Variants in SMYD3 observed in about 807,000 individuals in gnomAD.
The protein encoded by SMYD3 is SET and MYND domain containing 3, also known as histone-lysine N-methyltransferase SMYD3.
Under a neutral mutation model 57.7 loss-of-function variants are expected in SMYD3, and 36 were observed. The observed-to-expected ratio is 0.62, with a 90% CI of 0.48 to 0.82. The LOEUF (loss-of-function observed/expected upper bound fraction) is 0.82. Among genes scored for constraint, SMYD3 ranks in the 40% least tolerant of loss-of-function variants. The probability of loss-of-function intolerance (pLI) is 0.00; values close to 1 mark genes in which losing one functional copy is unlikely to be tolerated. For missense variants in SMYD3, 515 were observed against 538.8 expected, an observed-to-expected ratio of 0.96 and a Z score of 0.44; for synonymous variants, 211 against 195.0, an observed-to-expected ratio of 1.08 and a Z score of -0.68.
At chr1:246,009,928 C>T (rs1338373920) in intron 5 of SMYD3, among the ~76,000 whole-genome samples, 2 of 12,510 alleles carry the variant, frequency 1.6e-4, no homozygotes, top group Admixed American at 1.6e-3. Context: ...AATTCTCCTG[C>T]CTCAGCCTTC....
chr1:246,383,442 A>C (rs901160592), intron 1 of SMYD3, among the ~76,000 whole-genome samples: 1 of 152,226 alleles, frequency 6.6e-6, no homozygotes, highest in African/African-American at 2.4e-5. Context: ...TCTACATCTT[A>C]ATCAAATGTC....
chr1:246,503,580 G>A (rs10924756), intron 1 of SMYD3, among the ~76,000 whole-genome samples: 102,530 of 152,074 alleles, frequency 0.67, 34,918 homozygotes, highest in Admixed American at 0.73. Flanking sequence ...CAAAGCAAAC[G>A]GGAAATACAC....
chr1:245,955,114 T>G (rs1336932875), intron 5 of SMYD3, among the ~76,000 whole-genome samples: 3 of 152,172 alleles, frequency 2.0e-5, no homozygotes, highest in African/African-American at 7.2e-5. Context: ...TTGTTTTTGT[T>G]TGAGTCTCGC....
intron 5 of SMYD3, among the ~76,000 whole-genome samples, chr1:246,174,888 A>C (rs974533137): frequency 6.6e-6 from 1 of 152,178 alleles, no homozygotes; most frequent in Non-Finnish European, 1.5e-5. Flanking sequence ...TGCTCTGATC[A>C]CCAGTCGATG....
chr1:245,914,918 A>G (rs1183247002), intron 8 of SMYD3, among the ~76,000 whole-genome samples: 1 of 152,118 alleles, frequency 6.6e-6, no homozygotes, highest in African/African-American at 2.4e-5. Context: ...AGGATAAAAA[A>G]CAGATCAGCG....
intron 10 of SMYD3, among the ~76,000 whole-genome samples, chr1:245,793,012 G>T (rs1257084295): frequency 6.6e-6 from 1 of 152,146 alleles, no homozygotes; most frequent in African/African-American, 2.4e-5. Context: ...TTTCTAGTTA[G>T]AAATATCTTC....
At chr1:246,297,043 T>C (rs2064808457) in intron 5 of SMYD3, among the ~76,000 whole-genome samples, 1 of 152,170 alleles carries the variant, frequency 6.6e-6, no homozygotes, top group South Asian at 2.1e-4. Context: ...TGGGCAATGA[T>C]TCAGGGACAT....
intron 1 of SMYD3, among the ~76,000 whole-genome samples, chr1:246,360,767 T>C (rs1397702917): frequency 6.6e-6 from 1 of 152,126 alleles, no homozygotes; most frequent in African/African-American, 2.4e-5. Context: ...TGAAACTGGA[T>C]CCTCATCTCT....
intron 5 of SMYD3, 58 bp downstream of exon 5, chr1:246,327,143 A>C (rs2065367820): frequency 1.2e-6 from 2 of 1,605,702 alleles, no homozygotes; most frequent in Non-Finnish European, 1.7e-6. Context: ...AACTAACAAC[A>C]AAATAAGGAG....
chr1:245,920,085 G>A (rs182596349), intron 7 of SMYD3, among the ~76,000 whole-genome samples: 7 of 152,194 alleles, frequency 4.6e-5, no homozygotes, highest in South Asian at 2.1e-4. Flanking sequence ...AGGCCAAGGC[G>A]GTAGGATCAC....
At chr1:246,322,731 AC>A (rs1220552602) in intron 5 of SMYD3, among the ~76,000 whole-genome samples, 1 of 152,186 alleles carries the variant, frequency 6.6e-6, no homozygotes, top group African/African-American at 2.4e-5. Flanking sequence ...TTTAAAAAAA[AC>A]AAAACTATCC....
chr1:246,033,290 A>C (rs6677482), intron 5 of SMYD3, among the ~76,000 whole-genome samples: 78,894 of 151,990 alleles, frequency 0.52, 23,159 homozygotes, highest in East Asian at 0.96. Context: ...TGAAAAAAAA[A>C]CCCAGAAGGT....
chr1:246,472,546 C>G (rs1342078379), intron 1 of SMYD3, among the ~76,000 whole-genome samples: 1 of 152,028 alleles, frequency 6.6e-6, no homozygotes, highest in Non-Finnish European at 1.5e-5. Context: ...AGTTTGAGAC[C>G]AGCCTAGGCA....
At chr1:245,792,197 G>A (rs1343565155) in intron 10 of SMYD3, among the ~76,000 whole-genome samples, 1 of 152,124 alleles carries the variant, frequency 6.6e-6, no homozygotes, top group Non-Finnish European at 1.5e-5. Context: ...CACTCTTCTA[G>A]ATGCTGGGTA....
chr1:245,835,104 G>C (rs2050038340), intron 10 of SMYD3, among the ~76,000 whole-genome samples: 1 of 147,832 alleles, frequency 6.8e-6, no homozygotes, highest in African/African-American at 2.5e-5. Context: ...TCAAATCCTA[G>C]TTCCTGGGGC....
chr1:245,998,758 G>C (rs1049412042), intron 5 of SMYD3, among the ~76,000 whole-genome samples: 2 of 152,022 alleles, frequency 1.3e-5, no homozygotes, highest in Admixed American at 6.6e-5. Flanking sequence ...ACATCCCAAG[G>C]GTCCGTCATC....
intron 5 of SMYD3, among the ~76,000 whole-genome samples, chr1:245,990,605 T>C (rs2148112468): frequency 6.6e-6 from 1 of 152,326 alleles, no homozygotes; most frequent in East Asian, 1.9e-4. Context: ...GGGTATTTCC[T>C]GCAACCCAGA....
chr1:246,246,090 T>C (rs2063699212), intron 5 of SMYD3, among the ~76,000 whole-genome samples: 2 of 152,216 alleles, frequency 1.3e-5, no homozygotes, highest in Admixed American at 6.5e-5. Context: ...TTACAGTATT[T>C]TGTTGTTCTA....
intron 10 of SMYD3, among the ~76,000 whole-genome samples, chr1:245,784,802 T>C (rs1301480601): frequency 6.6e-6 from 1 of 151,962 alleles, no homozygotes; most frequent in Non-Finnish European, 1.5e-5. Context: ...AAGAGCTTCA[T>C]TTAGGGAAAA....
Sources: allele counts gnomAD v4.1 joint callset (sites outside exome capture counted in the v4.1 genomes callset), GRCh38; gene constraint gnomAD v4.1.1; transcripts MANE v1.5; gene names NCBI Gene and HGNC (gene_info 2026-07-23, HGNC 2026-07-21).